Variants in KIAA1958 observed in about 807,000 individuals in gnomAD.
KIAA1958 encodes the protein KIAA1958, also known as uncharacterized protein KIAA1958.
A neutral mutation model predicts 47.2 loss-of-function variants in KIAA1958; 14 were observed. That is an observed-to-expected ratio of 0.30 (90% confidence interval 0.20 to 0.46). KIAA1958 has a LOEUF of 0.46. KIAA1958 is among the 20% of genes least tolerant of loss of function. The probability of loss-of-function intolerance (pLI) is 1.00; values close to 1 mark genes in which losing one functional copy is unlikely to be tolerated. For synonymous variants in KIAA1958, 354 were observed against 353.3 expected, an observed-to-expected ratio of 1.00 and a Z score of -0.02; for missense variants, 803 against 909.2, an observed-to-expected ratio of 0.88 and a Z score of 1.50.
chr9:112,587,870 C>G (rs1835852905), intron 2 of KIAA1958, among the ~76,000 whole-genome samples: 1 of 152,152 alleles, frequency 6.6e-6, no homozygotes, highest in Non-Finnish European at 1.5e-5. Flanking sequence ...ACCTCTGTTT[C>G]TTGATTTATC....
chr9:112,512,218 C>G (rs570087529), intron 1 of KIAA1958, among the ~76,000 whole-genome samples: 3 of 152,252 alleles, frequency 2.0e-5, no homozygotes, highest in African/African-American at 7.2e-5. Flanking sequence ...AGTAAAAGTA[C>G]AGACCAATAT....
intron 1 of KIAA1958, among the ~76,000 whole-genome samples, chr9:112,504,824 T>C (rs1342234952): frequency 1.3e-5 from 2 of 151,716 alleles, no homozygotes; most frequent in Non-Finnish European, 2.9e-5. Context: ...GTATATACAT[T>C]TTTTATTTAT....
intron 2 of KIAA1958, among the ~76,000 whole-genome samples, chr9:112,585,864 C>T (rs1312287699): frequency 6.6e-6 from 1 of 152,100 alleles, no homozygotes; most frequent in Non-Finnish European, 1.5e-5. Flanking sequence ...ATTGTTAAGT[C>T]CTCTATATGT....
chr9:112,596,248 T>G (rs1836029497), intron 2 of KIAA1958, among the ~76,000 whole-genome samples: 9 of 152,124 alleles, frequency 5.9e-5, no homozygotes, highest in Admixed American at 5.9e-4. Context: ...TATTCTAGAG[T>G]ATACTGTTTC....
intron 2 of KIAA1958, among the ~76,000 whole-genome samples, chr9:112,578,488 A>G (rs146014897): frequency 6.6e-6 from 1 of 152,294 alleles, no homozygotes; most frequent in Non-Finnish European, 1.5e-5. Context: ...TCTTTAGATA[A>G]TATTTTTAAA....
intron 1 of KIAA1958, among the ~76,000 whole-genome samples, chr9:112,544,422 C>G (rs1233523041): frequency 6.6e-6 from 1 of 152,102 alleles, no homozygotes; most frequent in African/African-American, 2.4e-5. Context: ...GGAATAGGGA[C>G]CACATCTATC....
At chr9:112,526,355 G>A (rs1348163753) in intron 1 of KIAA1958, among the ~76,000 whole-genome samples, 4 of 152,006 alleles carry the variant, frequency 2.6e-5, no homozygotes, top group African/African-American at 9.7e-5. Flanking sequence ...CTGGGTTCAA[G>A]CAATTCCCAT....
chr9:112,528,535 T>C (rs1263167518), intron 1 of KIAA1958, among the ~76,000 whole-genome samples: 1 of 152,160 alleles, frequency 6.6e-6, no homozygotes, highest in East Asian at 1.9e-4. Flanking sequence ...TGTATTTATT[T>C]ATTTAGAGAC....
Position 112,635,214 on chromosome 9 carries a change from TTGTGTGTGTGTGTGTGTGTG to T in KIAA1958, c.1172-10404_1172-10385del, listed in dbSNP as rs71999105. 9.8e-4 allele frequency among the ~76,000 whole-genome samples: 128 copies of T among 130,436 alleles called. 1 individual carries two copies. The East Asian group carries it at 0.016, about 16-fold the overall frequency. The allele number at this position is 130,436 out of a possible 152,430, so 85.6% of individuals were successfully genotyped here. ...AAGTTTTATTTTGAGATTCTTTATTTTGTGTGTGTGTGTGTGTGTGTGTGTGTGTGTGTGTGTGTGTGTGT... is the reference window on the plus strand; with the variant it reads ...AAGTTTTATTTTGAGATTCTTTATTTTGTGTGTGTGTGTGTGTGTGTGTGT... On this transcript the variant is annotated intron_variant, in intron 2 of 3. Transcript: ENST00000337530.
At chr9:112,497,223 G>A (rs1362148176) in intron 1 of KIAA1958, among the ~76,000 whole-genome samples, 1 of 152,086 alleles carries the variant, frequency 6.6e-6, no homozygotes, top group African/African-American at 2.4e-5. Flanking sequence ...TTCATATGTT[G>A]AAGCCCCAAC....
At chr9:112,617,808 A>C in intron 2 of KIAA1958, 1 of 1,244,444 alleles carries the variant, frequency 8.0e-7, no homozygotes, top group East Asian at 2.6e-5. Flanking sequence ...ATTTCAGAGT[A>C]GAAAGTGCAT....
intron 1 of KIAA1958, among the ~76,000 whole-genome samples, chr9:112,573,707 G>C (rs1393316649): frequency 6.6e-6 from 1 of 152,170 alleles, no homozygotes; most frequent in Admixed American, 6.5e-5. Flanking sequence ...GAACCTCTCT[G>C]TCAGTGACTT....
chr9:112,493,713 CAT>C (rs1420599387), intron 1 of KIAA1958, among the ~76,000 whole-genome samples: 1 of 152,204 alleles, frequency 6.6e-6, no homozygotes, highest in Non-Finnish European at 1.5e-5. Context: ...TGTAGTGGCT[CAT>C]GTGAAATGTA....
At chr9:112,535,437 A>T (rs141653265) in intron 1 of KIAA1958, among the ~76,000 whole-genome samples, 24 of 152,284 alleles carry the variant, frequency 1.6e-4, no homozygotes, top group African/African-American at 5.8e-4. Flanking sequence ...AAGGCTTATT[A>T]GCAGTCCATT....
intron 1 of KIAA1958, among the ~76,000 whole-genome samples, chr9:112,493,651 C>T (rs750786497): frequency 1.3e-5 from 2 of 152,142 alleles, no homozygotes; most frequent in Non-Finnish European, 1.5e-5. Context: ...AACAGAAGTC[C>T]TTACGGTAAA....
intron 1 of KIAA1958, among the ~76,000 whole-genome samples, chr9:112,530,078 C>T (rs905463874): frequency 1.3e-5 from 2 of 152,132 alleles, no homozygotes; most frequent in African/African-American, 2.4e-5. Flanking sequence ...CTCCTGACCT[C>T]GTGATCCACC....
rs373391423 is a variant in KIAA1958, at chr9:112,659,613, G to A, written c.1695G>A (p.Gln565=). 143 of 1,613,984 alleles carry A rather than the reference G, an allele frequency of 8.9e-5. No individual in the cohort carries two copies. Among genetic ancestry groups the A allele is most frequent in the Non-Finnish European group, 1.1e-4 (131 of 1,180,000 alleles). Residue 565 remains glutamine (Q), a synonymous_variant, in exon 4 of 4, where the codon CAG becomes CAA. Coordinates refer to ENST00000337530, the MANE Select transcript of KIAA1958 (RefSeq NM_133465.4). ...CCACTGTGGTCAAGTACAACAGCCA[G>A]TACCTGAACATGCGGACGCTGCAGG... ...LLSTVVKYNS[Q]YLNMRTLQEH... is the part of the protein sequence containing the mutation.
chr9:112,591,411 A>G (rs1171680413), intron 2 of KIAA1958, among the ~76,000 whole-genome samples: 1 of 152,132 alleles, frequency 6.6e-6, no homozygotes, highest in Non-Finnish European at 1.5e-5. Flanking sequence ...TATATACTTA[A>G]AGCAATAAAA....
chr9:112,573,634 T>C (rs1049372623), intron 1 of KIAA1958, among the ~76,000 whole-genome samples: 1 of 152,204 alleles, frequency 6.6e-6, no homozygotes, highest in African/African-American at 2.4e-5. Context: ...AGGGTGTCAT[T>C]GGAGCTGCAT....
Sources: allele counts gnomAD v4.1 joint callset (sites outside exome capture counted in the v4.1 genomes callset), GRCh38; gene constraint gnomAD v4.1.1; transcripts MANE v1.5; gene names NCBI Gene and HGNC (gene_info 2026-07-23, HGNC 2026-07-21).